ATXN10: variants seen among roughly 807,000 people sequenced by gnomAD.
ATXN10 encodes ataxin-10.
Under a neutral mutation model 52.9 loss-of-function variants are expected in ATXN10, and 28 were observed. The observed-to-expected ratio is 0.53, with a 90% CI of 0.39 to 0.73. ATXN10 has a LOEUF of 0.73. ATXN10 is among the 30% of genes least tolerant of loss of function. The probability of loss-of-function intolerance (pLI) is 0.00; values close to 1 mark genes in which losing one functional copy is unlikely to be tolerated. For synonymous variants in ATXN10, 226 were observed against 221.5 expected (o/e 1.02, Z -0.18); for missense variants, 565 against 577.0 (o/e 0.98, Z 0.21).
rs1348265461 is a variant in ATXN10 at position 45,761,940 on chromosome 22, T to G, written c.1173+21402T>G. Among the ~76,000 whole-genome samples, 3 of 152,190 alleles carry G rather than the reference T, an allele frequency of 2.0e-5. No homozygotes were observed. The East Asian group carries it at 5.8e-4, about 29-fold the overall frequency. On this transcript the variant is annotated intron_variant, in intron 9 of 11. Coordinates refer to ENST00000252934, the MANE Select transcript of ATXN10 (RefSeq NM_013236.4). ...TTAAAAAAAACACATCTGACTGGGATGAAGTAGTTGTGGTCTTAACTGAAG... is the reference window on the plus strand; with the variant it reads ...TTAAAAAAAACACATCTGACTGGGAGGAAGTAGTTGTGGTCTTAACTGAAG...
intron 9 of ATXN10, among the ~76,000 whole-genome samples, chr22:45,778,707 T>C (rs1927045563): frequency 6.6e-6 from 1 of 152,204 alleles, no homozygotes; most frequent in Non-Finnish European, 1.5e-5. Context: ...ATCGTGTCAC[T>C]GAGTTCCCAG....
intron 7 of ATXN10, 121 bp downstream of exon 7, chr22:45,729,711 TC>T: frequency 9.1e-7 from 1 of 1,098,676 alleles, no homozygotes; most frequent in Non-Finnish European, 1.3e-6. Context: ...AAGTAATGTA[TC>T]CATATATGAG....
chr22:45,821,254 C>T (rs9626450), intron 10 of ATXN10, among the ~76,000 whole-genome samples: 1,707 of 151,854 alleles, frequency 0.011, 41 homozygotes, highest in African/African-American at 0.039. Context: ...TAGTGGCTCA[C>T]GCCTCCCAGC....
intron 10 of ATXN10, among the ~76,000 whole-genome samples, chr22:45,810,733 T>C (rs1484298130): frequency 6.6e-6 from 1 of 152,262 alleles, no homozygotes; most frequent in Non-Finnish European, 1.5e-5. Flanking sequence ...TTGCCATTCA[T>C]TTAAAAGTGT....
intron 9 of ATXN10, chr22:45,793,555 T>C (rs1475240891): frequency 7.9e-7 from 1 of 1,272,708 alleles, no homozygotes; most frequent in South Asian, 3.6e-5. Flanking sequence ...CTCTTCAATC[T>C]TTCTGTGACA....
At chr22:45,788,726 A>G (rs117137922) in intron 9 of ATXN10, among the ~76,000 whole-genome samples, 7,126 of 152,042 alleles carry the variant, frequency 0.047, 200 homozygotes, top group Non-Finnish European at 0.061. Context: ...GCACAGTCAA[A>G]GCTCCCTGGA....
chr22:45,738,733 G>C lies in ATXN10; in HGVS notation c.897G>C (p.Glu299Asp). 6.2e-7 allele frequency: 1 copy of C among 1,612,770 alleles called. No homozygotes were observed. The change falls in exon 8 of 12, where the codon GAG (glutamate) becomes GAC (aspartate). Residue 299 changes from glutamate to aspartate, a missense_variant and splice_region_variant. Glu to Asp is a conservative substitution (Grantham distance 45). Transcript: ENST00000252934. ...LASEEPPDDEEALATIRLLDV... is the reference protein window; with the variant it reads ...LASEEPPDDEDALATIRLLDV... ...GTTATGTTTTCTTTTCTTTCTAGGA[G>C]GCACTGGCTACAATTAGGCTTCTCG...
At chr22:45,777,247 C>A (rs1926991765) in intron 9 of ATXN10, among the ~76,000 whole-genome samples, 1 of 152,114 alleles carries the variant, frequency 6.6e-6, no homozygotes, top group Admixed American at 6.5e-5. Context: ...GCATAAAGTG[C>A]TGTTTAGTTT....
intron 1 of ATXN10, chr22:45,673,545 A>C (rs543791854): frequency 1.3e-5 from 2 of 152,336 alleles, no homozygotes; most frequent in East Asian, 3.9e-4. Flanking sequence ...CCTTTTAGTT[A>C]ATAACCCAGT....
chr22:45,733,949 C>T lies in ATXN10; in HGVS notation c.894+4359C>T, dbSNP rs1925187496. Among the ~76,000 whole-genome samples the T allele has an allele frequency of 6.6e-6, 1 of 151,704 alleles. No individual in the cohort carries two copies. Among genetic ancestry groups the T allele is most frequent in the Non-Finnish European group, 1.5e-5 (1 of 67,964 alleles). ...GTTTTTACTTATGATGTAACTTGTACATCTTTGCACTTTAGCATGTGTATA... is the reference window on the plus strand; with the variant it reads ...GTTTTTACTTATGATGTAACTTGTATATCTTTGCACTTTAGCATGTGTATA... On this transcript the variant is annotated intron_variant, in intron 7 of 11. Coordinates refer to ENST00000252934, the MANE Select transcript of ATXN10 (RefSeq NM_013236.4). The surrounding 1 kb of genome is among the most constrained non-coding windows in gnomAD (Gnocchi z 4.4).
At chr22:45,738,606 TTGAC>T in intron 7 of ATXN10, 121 bp from the exon 8 acceptor site, 6 of 844,284 alleles carry the variant, frequency 7.1e-6, no homozygotes, top group Non-Finnish European at 1.1e-5. Flanking sequence ...GTTTTTCTCT[TTGAC>T]TTATTACAAG....
rs1435181272 is a variant in ATXN10 at position 45,690,267 on chromosome 22, C to A, written c.308+364C>A. 1.3e-5 allele frequency among the ~76,000 whole-genome samples: 2 copies of A among 150,972 alleles called. No individual in the cohort carries two copies. Among genetic ancestry groups the A allele is most frequent in the African/African-American group, 4.9e-5 (2 of 40,934 alleles). ...CTGCAGGCTGGGCCACATTGTGAGACCCTGTCTCAGGGAAAAAAAAAAAAA... is the reference window on the plus strand; with the variant it reads ...CTGCAGGCTGGGCCACATTGTGAGAACCTGTCTCAGGGAAAAAAAAAAAAA... On this transcript the variant is annotated intron_variant, in intron 2 of 11. Coordinates refer to ENST00000252934, the MANE Select transcript of ATXN10 (RefSeq NM_013236.4). The surrounding 1 kb of genome is among the most constrained non-coding windows in gnomAD (Gnocchi z 4.5).
In ATXN10 at chr22:45,818,643, G is replaced by A. The variant is rs571464731; in HGVS notation, c.1237+11621G>A. The stretch of plus-strand genomic sequence containing the variant: ...AGCCTGGGGCAGGGATCAGGGATCA[G>A]GGGGCAGGGATCATCACGCAGGAAG... On this transcript the variant is annotated intron_variant, in intron 10 of 11. Transcript: ENST00000252934. This position sits in a 1 kb window ranked among gnomAD's most constrained non-coding sequence, Gnocchi z 4.6. Among the ~76,000 whole-genome samples, 5 of 152,158 alleles carry A rather than the reference G, an allele frequency of 3.3e-5. No individual in the cohort carries two copies. The highest frequency in any genetic ancestry group is 9.6e-5 in the African/African-American group (4 of 41,498).
intron 2 of ATXN10, among the ~76,000 whole-genome samples, chr22:45,691,754 G>A (rs769275485): frequency 1.3e-5 from 2 of 152,192 alleles, no homozygotes; most frequent in African/African-American, 2.4e-5. Context: ...TTAGCTGGGT[G>A]TGGTGGCACA....
rs1237680649 is a variant in ATXN10, at chr22:45,718,317, T to C, written c.648-96T>C. 2.2e-6 allele frequency: 2 copies of C among 916,166 alleles called. No individual in the cohort carries two copies. Among genetic ancestry groups the C allele is most frequent in the Admixed American group, 3.5e-5 (2 of 57,886 alleles). 56.8% of individuals were successfully genotyped at this position (916,166 alleles called of 1,614,324 possible). ...AAATCAAAAATTCACTGAAAAGAAA[T>C]GCTTTTGTGTGTAAGTGGTGCCTAT... On this transcript the variant is annotated intron_variant, in intron 5 of 11. Transcript: ENST00000252934. This position sits in a 1 kb window ranked among gnomAD's most constrained non-coding sequence, Gnocchi z 4.4.
At chr22:45,731,925 CCAG>C (rs897940611) in intron 7 of ATXN10, among the ~76,000 whole-genome samples, 14 of 152,214 alleles carry the variant, frequency 9.2e-5, no homozygotes, top group Middle Eastern at 3.4e-3. Context: ...GCCTTTGTTT[CCAG>C]CAGGAGGAGC....
rs1052069294 is a variant in ATXN10, at chr22:45,744,833, A to C, written c.1173+4295A>C. On this transcript the variant is annotated intron_variant, in intron 9 of 11. Transcript: ENST00000252934. The surrounding 1 kb of genome is among the most constrained non-coding windows in gnomAD (Gnocchi z 4.9). ...AGAGAATCAAGGTACGTTGCCTCAGATTGAAAATCTGCACAGAAATGTATT... is the reference window on the plus strand; with the variant it reads ...AGAGAATCAAGGTACGTTGCCTCAGCTTGAAAATCTGCACAGAAATGTATT... The C allele has an allele frequency of 6.6e-6, 1 of 152,244 alleles. No individual in the cohort carries two copies. The highest frequency in any genetic ancestry group is 2.4e-5 in the African/African-American group (1 of 41,466). The allele number at this position is 152,244 out of a possible 1,614,324, so 9.4% of individuals were successfully genotyped here.
chr22:45,709,944 C>G (rs1182793094), intron 5 of ATXN10, among the ~76,000 whole-genome samples: 1 of 152,174 alleles, frequency 6.6e-6, no homozygotes. Flanking sequence ...CTCATTAGCC[C>G]TATCTTCAAA....
intron 1 of ATXN10, among the ~76,000 whole-genome samples, chr22:45,685,974 A>T (rs1051489374): frequency 6.6e-6 from 1 of 152,208 alleles, no homozygotes; most frequent in African/African-American, 2.4e-5. Flanking sequence ...ATTTAATGGG[A>T]AAGGAGAAAT....
Sources: gnomAD v4.1 joint callset for allele counts (sites outside exome capture counted in the v4.1 genomes callset) on GRCh38, gnomAD v4.1.1 for gene constraint, Gnocchi (gnomAD v3.1) non-coding constraint, MANE v1.5 for transcripts, NCBI Gene and HGNC (gene_info 2026-07-23, HGNC 2026-07-21) for gene names.